PTPRO: variants seen among roughly 807,000 people sequenced by gnomAD.
PTPRO encodes protein tyrosine phosphatase receptor type O.
A neutral mutation model predicts 145.2 loss-of-function variants in PTPRO; 62 were observed. That is an observed-to-expected ratio of 0.43 (90% CI 0.35 to 0.53). The LOEUF is 0.53. Ranked by LOEUF, PTPRO falls within the 20% of genes least tolerant of loss-of-function variation. The pLI is 0.01. For missense variants in PTPRO, 1,345 were observed against 1,482.7 expected, an observed-to-expected ratio of 0.91 and a Z score of 1.53; for synonymous variants, 565 against 514.7, an observed-to-expected ratio of 1.10 and a Z score of -1.32.
At chr12:15,364,731 T>C (rs1047392677) in intron 1 of PTPRO, among the ~76,000 whole-genome samples, 3 of 152,198 alleles carry the variant, frequency 2.0e-5, no homozygotes, top group African/African-American at 7.2e-5. Flanking sequence ...AAACTTTCTC[T>C]GAATTTTGCA....
intron 1 of PTPRO, among the ~76,000 whole-genome samples, chr12:15,402,288 T>C (rs1419508987): frequency 6.6e-6 from 1 of 151,736 alleles, no homozygotes; most frequent in Non-Finnish European, 1.5e-5. Context: ...CTGGGGAGGT[T>C]GAGGCAGGAG....
intron 23 of PTPRO, among the ~76,000 whole-genome samples, chr12:15,584,626 C>G (rs756824726): frequency 1.3e-5 from 2 of 152,122 alleles, no homozygotes; most frequent in Non-Finnish European, 2.9e-5. Flanking sequence ...GCGTCTGGTA[C>G]CAGAGTGCCC....
chr12:15,501,011 AC>A (rs1942210282), intron 4 of PTPRO, among the ~76,000 whole-genome samples: 1 of 152,220 alleles, frequency 6.6e-6, no homozygotes, highest in African/African-American at 2.4e-5. Context: ...GGCAGAGACT[AC>A]GCAGTGCGTC....
chr12:15,461,588 T>C (rs1393108203), intron 1 of PTPRO, among the ~76,000 whole-genome samples: 17 of 62,240 alleles, frequency 2.7e-4, no homozygotes, highest in African/African-American at 6.9e-4. Flanking sequence ...TTTTTTTTTT[T>C]GACAGAATCT....
chr12:15,511,206 G>A (rs1309163763), intron 7 of PTPRO, among the ~76,000 whole-genome samples: 3 of 152,160 alleles, frequency 2.0e-5, no homozygotes, highest in Non-Finnish European at 4.4e-5. Context: ...TGGAAATTAA[G>A]GGGGAGCAGA....
intron 1 of PTPRO, among the ~76,000 whole-genome samples, chr12:15,344,225 G>A (rs1867116006): frequency 6.6e-6 from 1 of 152,142 alleles, no homozygotes; most frequent in African/African-American, 2.4e-5. Flanking sequence ...TGGAAACACT[G>A]GAAATATGCC....
chr12:15,350,791 C>A (rs919470564), intron 1 of PTPRO, among the ~76,000 whole-genome samples: 1 of 152,168 alleles, frequency 6.6e-6, no homozygotes, highest in African/African-American at 2.4e-5. Flanking sequence ...CAACTTCTGT[C>A]CTCAGTTCAC....
At chr12:15,326,367 C>A (rs1423327263) in intron 1 of PTPRO, among the ~76,000 whole-genome samples, 3 of 152,182 alleles carry the variant, frequency 2.0e-5, no homozygotes, top group Non-Finnish European at 4.4e-5. Context: ...GGCAAAGGCT[C>A]CCTGGGCCAT....
Position 15,578,910 on chromosome 12 carries a change from C to T in PTPRO, c.2887C>T (p.Arg963Ter). The T allele has an allele frequency of 6.2e-7, 1 of 1,606,584 alleles. No homozygotes were observed. Among genetic ancestry groups the T allele is most frequent in the Non-Finnish European group, 8.5e-7 (1 of 1,173,226 alleles). Residue 963 changes from arginine to a stop codon, truncating the protein, a stop_gained, in exon 20 of 27, where the codon CGA (arginine) becomes TGA (stop). Coordinates refer to ENST00000281171, the MANE Select transcript of PTPRO (RefSeq NM_030667.3). LOFTEE classifies it high-confidence loss of function. ...PHFAADLPLN[R>*]CKNRYTNILP... is the part of the protein sequence containing the mutation. The stretch of plus-strand genomic sequence containing the variant: ...CTTTGCTGCAGATCTTCCACTGAAT[C>T]GATGTAAAAACCGTTACACAAACAT...
chr12:15,365,334 A>C (rs1160004541), intron 1 of PTPRO, among the ~76,000 whole-genome samples: 1 of 152,210 alleles, frequency 6.6e-6, no homozygotes, highest in Non-Finnish European at 1.5e-5. Flanking sequence ...TTGTTTTCAA[A>C]AAGTAAAAAC....
intron 15 of PTPRO, among the ~76,000 whole-genome samples, chr12:15,554,012 T>A (rs759900231): frequency 1.1e-4 from 17 of 152,040 alleles, no homozygotes; most frequent in African/African-American, 3.6e-4. Context: ...CTGACAAACA[T>A]GAAGAAACCC....
At chr12:15,407,214 T>C (rs1037628413) in intron 1 of PTPRO, among the ~76,000 whole-genome samples, 1 of 152,174 alleles carries the variant, frequency 6.6e-6, no homozygotes. Context: ...TCCAATCTAG[T>C]GCTTTTGTTA....
intron 1 of PTPRO, among the ~76,000 whole-genome samples, chr12:15,427,020 G>C (rs1940304456): frequency 6.6e-6 from 1 of 152,104 alleles, no homozygotes; most frequent in South Asian, 2.1e-4. Context: ...CAGCGTAGCA[G>C]GTCAGAAAAC....
rs1371645084 is a variant in PTPRO, at chr12:15,501,875, C to A, written c.917C>A (p.Ala306Asp). 1 of 1,614,102 alleles carries A rather than the reference C, an allele frequency of 6.2e-7. No homozygotes were observed. The highest frequency in any genetic ancestry group is 2.2e-5 in the East Asian group (1 of 44,850). Residue 306 changes from alanine to aspartate, a missense_variant, in exon 5 of 27, where the codon GCT becomes GAT. Transcript: ENST00000281171. ...TATTGGTGGGACAGTGCATCTGCAG[C>A]TCCTGAAAGTGAAGATGAATTTGTC... is the stretch of plus-strand genomic sequence containing the variant. ...QPYWWDSASA[A>D]PESEDEFVSV... is the part of the protein sequence containing the mutation.
intron 1 of PTPRO, among the ~76,000 whole-genome samples, chr12:15,334,346 T>G (rs1016953634): frequency 6.6e-6 from 1 of 152,196 alleles, no homozygotes; most frequent in South Asian, 2.1e-4. Context: ...TTATACTCAG[T>G]TGAAATACTA....
rs1866323434 is a variant in PTPRO, at chr12:15,322,520, A to C, written c.-207A>C. On this transcript the variant is annotated 5_prime_UTR_variant, in exon 1 of 27. Coordinates refer to ENST00000281171, the MANE Select transcript of PTPRO (RefSeq NM_030667.3). This position sits in a 1 kb window ranked among gnomAD's most constrained non-coding sequence, Gnocchi z 6.3. ...CCTCTCCATCCTTAGTCATTAAAGA[A>C]CAGCAGCGCCTGGCACGTTCTTGGA... is the stretch of plus-strand genomic sequence containing the variant. The C allele has an allele frequency of 1.6e-6, 1 of 629,274 alleles. No homozygotes were observed. The highest frequency in any genetic ancestry group is 2.4e-5 in the Admixed American group (1 of 40,880). The allele number at this position is 629,274 out of a possible 1,614,324, so 39.0% of individuals were successfully genotyped here.
chr12:15,451,919 G>A (rs1941056093), intron 1 of PTPRO, among the ~76,000 whole-genome samples: 1 of 151,960 alleles, frequency 6.6e-6, no homozygotes, highest in Non-Finnish European at 1.5e-5. Flanking sequence ...GACAATCTAA[G>A]GTCACACCTC....
intron 1 of PTPRO, among the ~76,000 whole-genome samples, chr12:15,337,006 C>T (rs2136208887): frequency 6.6e-6 from 1 of 152,244 alleles, no homozygotes; most frequent in South Asian, 2.1e-4. Flanking sequence ...GAACCTAGTC[C>T]TACAATTGTT....
chr12:15,426,949 A>G (rs1329208422), intron 1 of PTPRO, among the ~76,000 whole-genome samples: 1 of 152,014 alleles, frequency 6.6e-6, no homozygotes, highest in African/African-American at 2.4e-5. Flanking sequence ...AGTCAAAGGG[A>G]TATTTTAAAA....
Sources: gnomAD v4.1 joint callset for allele counts (sites outside exome capture counted in the v4.1 genomes callset) on GRCh38, gnomAD v4.1.1 for gene constraint, Gnocchi (gnomAD v3.1) non-coding constraint, MANE v1.5 for transcripts, NCBI Gene and HGNC (gene_info 2026-07-23, HGNC 2026-07-21) for gene names.